FUNDC2: variants seen among roughly 807,000 people sequenced by gnomAD.
The protein encoded by FUNDC2 is FUN14 domain containing 2.
FUNDC2 carries 4 observed loss-of-function variants against 15.6 expected under a neutral mutation model. The observed-to-expected ratio is 0.26, with a 90% confidence interval of 0.13 to 0.59. The LOEUF (loss-of-function observed/expected upper bound fraction) is 0.59, where lower values mean the gene tolerates loss of function less well. Ranked by LOEUF, FUNDC2 falls within the 20% of genes least tolerant of loss-of-function variation. FUNDC2 has a pLI of 0.90. For missense variants in FUNDC2, 98 were observed against 149.7 expected, an observed-to-expected ratio of 0.65 and a Z score of 1.80; for synonymous variants, 44 against 56.9, an observed-to-expected ratio of 0.77 and a Z score of 1.02.
rs2073892003 is a variant in FUNDC2, at chrX:155,055,600, C to G, written c.*928C>G. 1 of 216,148 alleles carries G rather than the reference C, an allele frequency of 4.6e-6. No individual in the cohort carries two copies. Among genetic ancestry groups the G allele is most frequent in the Non-Finnish European group, 8.3e-6 (1 of 119,801 alleles). 17.8% of individuals were successfully genotyped at this position (216,148 alleles called of 1,213,427 possible). A position where few individuals can be genotyped will look rare whatever the true frequency, so the allele number is the denominator to read the frequency against. On this transcript the variant is annotated 3_prime_UTR_variant, in exon 5 of 5. Coordinates refer to ENST00000369498, the MANE Select transcript of FUNDC2 (RefSeq NM_023934.4). ...CTACCGTCTCATGATGACCACAACC[C>G]TGAGAATTATTCTTTAAAAGCTTAC...
intron 3 of FUNDC2, chrX:155,050,717 C>T (rs1197978017): frequency 8.9e-6 from 1 of 112,069 alleles, no homozygotes; most frequent in East Asian, 2.8e-4. Context: ...TGAAGTTGAA[C>T]TTTTTCCTTT....
chrX:155,037,514 C>T (rs898170819), intron 2 of FUNDC2, among the ~76,000 whole-genome samples: 1 of 111,238 alleles, frequency 9.0e-6, no homozygotes. Context: ...GACATAGTCT[C>T]GCTCTCTCAC....
Position 155,026,915 on chromosome X carries a change from C to T in FUNDC2, c.-24C>T. The T allele has an allele frequency of 8.5e-7, 1 of 1,175,208 alleles. No homozygotes were observed. The highest frequency in any genetic ancestry group is 1.1e-6 in the Non-Finnish European group (1 of 879,403). ...AAGCAGCCGCGGCGCGCCCGGCCCT[C>T]CCTCTTCCGCTGCCGCCGTGGGAAT... On this transcript the variant is annotated 5_prime_UTR_variant, in exon 1 of 5. Coordinates refer to ENST00000369498, the MANE Select transcript of FUNDC2 (RefSeq NM_023934.4).
chrX:155,058,032 T>A lies in FUNDC2; in HGVS notation c.*3360T>A, dbSNP rs2073914375. The A allele has an allele frequency of 9.0e-6, 1 of 110,992 alleles. No homozygotes were observed. Among genetic ancestry groups the A allele is most frequent in the Admixed American group, 9.6e-5 (1 of 10,443 alleles). 9.1% of individuals were successfully genotyped at this position (110,992 alleles called of 1,213,427 possible). ...GTCATGAGTGTTATTGCCATTGTGA[T>A]AATATGTTAGCATGACTCTCCTCCC... On this transcript the variant is annotated 3_prime_UTR_variant, in exon 5 of 5. Coordinates refer to ENST00000369498, the MANE Select transcript of FUNDC2 (RefSeq NM_023934.4).
chrX:155,054,093 A>G, intron 4 of FUNDC2: 1 of 753,344 alleles, frequency 1.3e-6, no homozygotes, highest in African/African-American at 2.3e-5. Context: ...AATTTATAGC[A>G]TCTACCTGGG....
intron 2 of FUNDC2, among the ~76,000 whole-genome samples, chrX:155,033,989 T>C (rs2073823647): frequency 8.9e-6 from 1 of 112,488 alleles, no homozygotes; most frequent in Non-Finnish European, 1.9e-5. Context: ...TAATAGCAAA[T>C]TTCATAGGTG....
Position 155,051,432 on chromosome X carries a change from G to C in FUNDC2, c.361-238G>C, listed in dbSNP as rs1410997239. ...TTATGTAACTCTTTGTAAAAGGGTT[G>C]TAAGAGTATAAATAATTTAAAAGAA... On this transcript the variant is annotated intron_variant, in intron 3 of 4. Coordinates refer to ENST00000369498, the MANE Select transcript of FUNDC2 (RefSeq NM_023934.4). 1.4e-5 allele frequency: 5 copies of C among 350,668 alleles called. No homozygotes were observed. The East Asian group carries it at 2.0e-4, about 14-fold the overall frequency. 28.9% of individuals were successfully genotyped at this position (350,668 alleles called of 1,213,427 possible). A position where few individuals can be genotyped will look rare whatever the true frequency, so the allele number is the denominator to read the frequency against.
chrX:155,028,424 T>C (rs905638598), intron 1 of FUNDC2, among the ~76,000 whole-genome samples: 3 of 111,854 alleles, frequency 2.7e-5, no homozygotes, highest in Non-Finnish European at 5.6e-5. Context: ...GAGCCACCTG[T>C]TGATCTAAGG....
At chrX:155,036,959 A>G (rs1372719510) in intron 2 of FUNDC2, among the ~76,000 whole-genome samples, 1 of 110,218 alleles carries the variant, frequency 9.1e-6, no homozygotes, top group Non-Finnish European at 1.9e-5. Flanking sequence ...GTTTTTATAC[A>G]CTCCTCCATA....
At chrX:155,049,490 C>T (rs782639548) in intron 3 of FUNDC2, 3 of 112,981 alleles carry the variant, frequency 2.7e-5, no homozygotes. Flanking sequence ...ACTACTGTAG[C>T]ATTATAGTAA....
rs2124200203 is a variant in FUNDC2, at chrX:155,054,806, CTA to C, written c.*135_*136del. Reference sequence around the variant, plus strand: ...GCCATGGCAAATCTGAGTGGCTTCTCTAAGCATCTGCTGGTACAAGTCAATGT... The same window carrying C: ...GCCATGGCAAATCTGAGTGGCTTCTCAGCATCTGCTGGTACAAGTCAATGT... On this transcript the variant is annotated 3_prime_UTR_variant, in exon 5 of 5. Coordinates refer to ENST00000369498, the MANE Select transcript of FUNDC2 (RefSeq NM_023934.4). 1 of 541,292 alleles carries C rather than the reference CTA, an allele frequency of 1.8e-6. No individual in the cohort carries two copies. Among genetic ancestry groups the C allele is most frequent in the Admixed American group, 2.6e-5 (1 of 38,248 alleles). The allele number at this position is 541,292 out of a possible 1,213,427, so 44.6% of individuals were successfully genotyped here.
Position 155,058,632 on chromosome X carries a change from T to C in FUNDC2, c.*3960T>C, listed in dbSNP as rs897031014. 5.4e-5 allele frequency: 6 copies of C among 110,473 alleles called. No homozygotes were observed. Among genetic ancestry groups the C allele is most frequent in the Non-Finnish European group, 9.5e-5 (5 of 52,897 alleles). 9.1% of individuals were successfully genotyped at this position (110,473 alleles called of 1,213,427 possible). A position where few individuals can be genotyped will look rare whatever the true frequency, so the allele number is the denominator to read the frequency against. ...CATTTCTTTGTCATGAAATCTAGTA[T>C]GATTTCTCAGAAATCAGGCCCAGAA... On this transcript the variant is annotated 3_prime_UTR_variant, in exon 5 of 5. Transcript: ENST00000369498.
At chrX:155,044,854 C>A (rs1557289904) in intron 2 of FUNDC2, among the ~76,000 whole-genome samples, 12 of 112,032 alleles carry the variant, frequency 1.1e-4, no homozygotes. Context: ...AATTCCTCTT[C>A]TGAGTATATA....
intron 1 of FUNDC2, among the ~76,000 whole-genome samples, chrX:155,028,061 A>ACTTTTATAAGAGCAGACTGCTCTTATAGT: frequency 9.0e-6 from 1 of 111,051 alleles, no homozygotes; most frequent in African/African-American, 3.3e-5. Flanking sequence ...GCTCTTATAG[A>ACTTTTATAAGAGCAGACTGCTCTTATAGT]CTTTTATAAG....
At chrX:155,037,823 A>G (rs1460367727) in intron 2 of FUNDC2, among the ~76,000 whole-genome samples, 1 of 111,490 alleles carries the variant, frequency 9.0e-6, no homozygotes, top group African/African-American at 3.3e-5. Context: ...TAGGTTCCAT[A>G]TAGGTGGTTG....
intron 2 of FUNDC2, among the ~76,000 whole-genome samples, chrX:155,036,378 G>T (rs782601235): frequency 8.9e-6 from 1 of 112,134 alleles, no homozygotes; most frequent in East Asian, 2.8e-4. Flanking sequence ...TTTCACTGCT[G>T]AATCGTGAGA....
At chrX:155,029,743 A>G (rs2124183493) in intron 1 of FUNDC2, among the ~76,000 whole-genome samples, 1 of 93,568 alleles carries the variant, frequency 1.1e-5, no homozygotes. Flanking sequence ...AAAAGAGCAA[A>G]ACTCTATCTC....
At chrX:155,029,222 T>C (rs987925335) in intron 1 of FUNDC2, among the ~76,000 whole-genome samples, 19 of 111,900 alleles carry the variant, frequency 1.7e-4, no homozygotes, top group Non-Finnish European at 1.1e-4. Context: ...TCTGTGTGAG[T>C]GTAGAGTCTT....
At chrX:155,027,127 G>T in intron 1 of FUNDC2, 56 bp downstream of exon 1, 1 of 1,040,202 alleles carries the variant, frequency 9.6e-7, no homozygotes, top group Admixed American at 4.1e-5. Flanking sequence ...CCTGGGCTCC[G>T]GAAGGGGAAG....
Sources: gnomAD v4.1 joint callset for allele counts (sites outside exome capture counted in the v4.1 genomes callset) on GRCh38, gnomAD v4.1.1 for gene constraint, MANE v1.5 for transcripts, NCBI Gene and HGNC (gene_info 2026-07-23, HGNC 2026-07-21) for gene names.